Variants in USP6NL observed in about 807,000 individuals in gnomAD.
The protein encoded by USP6NL is USP6 N-terminal-like protein.
USP6NL carries 26 observed loss-of-function variants against 61.9 expected under a neutral mutation model. The ratio of observed to expected loss-of-function variants is 0.42; its 90% confidence interval spans 0.31 to 0.58. The LOEUF (loss-of-function observed/expected upper bound fraction) is 0.58, where lower values mean the gene tolerates loss of function less well. Among genes scored for constraint, USP6NL ranks in the 20% least tolerant of loss-of-function variants. The pLI is 0.16. For missense variants in USP6NL, 1,114 were observed against 1,034.3 expected (o/e 1.08, Z -1.06); for synonymous variants, 432 against 390.1 (o/e 1.11, Z -1.27).
chr10:11,545,515 C>A (rs929024780), intron 2 of USP6NL, among the ~76,000 whole-genome samples: 1 of 152,224 alleles, frequency 6.6e-6, no homozygotes, highest in South Asian at 2.1e-4. Flanking sequence ...TCCTTTACCA[C>A]CGCAGTCATC....
In USP6NL at chr10:11,537,191, G is replaced by GC. The variant is rs1835867218; in HGVS notation, c.5-9625dup. 6.6e-6 allele frequency among the ~76,000 whole-genome samples: 1 copy of GC among 151,138 alleles called. No homozygotes were observed. Among genetic ancestry groups the GC allele is most frequent in the Admixed American group, 6.6e-5 (1 of 15,220 alleles). On this transcript the variant is annotated intron_variant, in intron 2 of 14. Coordinates refer to ENST00000609104, the MANE Select transcript of USP6NL (RefSeq NM_014688.5). The surrounding 1 kb of genome is among the most constrained non-coding windows in gnomAD (Gnocchi z 5.1). ...AGTGGCACGATCACAGTTCACTGCA[G>GC]CGTCAATCTCCCAGGTGATCCTCCC...
chr10:11,522,313 T>A (rs7913326), intron 4 of USP6NL, among the ~76,000 whole-genome samples: 1 of 152,132 alleles, frequency 6.6e-6, no homozygotes, highest in Non-Finnish European at 1.5e-5. Context: ...CATTGCAGAA[T>A]GAATCAAAAA....
intron 2 of USP6NL, among the ~76,000 whole-genome samples, chr10:11,573,081 A>T (rs1205081905): frequency 6.6e-6 from 1 of 152,132 alleles, no homozygotes; most frequent in Non-Finnish European, 1.5e-5. Flanking sequence ...TATAATCATA[A>T]ACAGAATTAT....
chr10:11,462,890 A>C lies in USP6NL; in HGVS notation c.2038T>G (p.Ser680Ala). Residue 680 changes from serine to alanine, a missense_variant, in exon 15 of 15, where the codon TCT (serine) becomes GCT (alanine). Coordinates refer to ENST00000609104, the MANE Select transcript of USP6NL (RefSeq NM_014688.5). The part of the protein sequence containing the change: ...PHGSTLSVSA[S>A]PEKSYSRPSP... ...GGGCGGCTGTAAGATTTCTCCGGAG[A>C]AGCACTGACGGAAAGAGTAGAACCA... The C allele has an allele frequency of 9.9e-6, 16 of 1,613,648 alleles. No homozygotes were observed. Among genetic ancestry groups the C allele is most frequent in the Non-Finnish European group, 1.4e-5 (16 of 1,179,772 alleles).
Position 11,501,860 on chromosome 10 carries a change from T to G in USP6NL, c.277-652A>C, listed in dbSNP as rs1834211061. 2.0e-5 allele frequency among the ~76,000 whole-genome samples: 3 copies of G among 152,184 alleles called. No homozygotes were observed. In the South Asian group the frequency reaches 6.2e-4, roughly 32 times the overall value. ...TTCTTGCTATTTCTTCAGGAAAACT[T>G]TTTTCTTTTTCTTAAATGACATTGA... is the stretch of plus-strand genomic sequence containing the variant. On this transcript the variant is annotated intron_variant, in intron 6 of 14. Transcript: ENST00000609104.
chr10:11,494,624 A>G (rs1329073976), intron 7 of USP6NL, among the ~76,000 whole-genome samples: 21 of 152,150 alleles, frequency 1.4e-4, no homozygotes, highest in Non-Finnish European at 1.6e-4. Context: ...ATACAAAGCA[A>G]AAGGGGCAGG....
intron 2 of USP6NL, among the ~76,000 whole-genome samples, chr10:11,541,651 A>G (rs1047031451): frequency 2.6e-5 from 4 of 152,116 alleles, no homozygotes; most frequent in Non-Finnish European, 5.9e-5. Context: ...AGAAAGCCGT[A>G]AGTGTTTTTC....
chr10:11,527,039 T>C (rs1835449148), intron 3 of USP6NL, among the ~76,000 whole-genome samples: 1 of 152,172 alleles, frequency 6.6e-6, no homozygotes, highest in Admixed American at 6.5e-5. Context: ...GTCCTAGGCA[T>C]TTAGGATACA....
intron 2 of USP6NL, among the ~76,000 whole-genome samples, chr10:11,547,571 A>G (rs1045332162): frequency 1.1e-4 from 15 of 141,836 alleles, no homozygotes; most frequent in East Asian, 6.2e-4. Context: ...AGACAGTCTC[A>G]CTCTGTCGCC....
rs1375941754 is a variant in USP6NL, at chr10:11,489,178, G to A, written c.588C>T (p.Leu196=). ...CQGMSQITAL[L]LMYMNEEDAF... is the part of the protein sequence containing the mutation. ...CATCTTCCTCGTTCATATACATGAGGAGTAAAGCTGTGATCTGGCTCATCC... is the reference window on the plus strand; with the variant it reads ...CATCTTCCTCGTTCATATACATGAGAAGTAAAGCTGTGATCTGGCTCATCC... The change falls in exon 10 of 15, where the codon CTC becomes CTT. Residue 196 remains leucine (L), a synonymous_variant. Transcript: ENST00000609104. The surrounding 1 kb of genome is among the most constrained non-coding windows in gnomAD (Gnocchi z 5.7). 2.5e-6 allele frequency: 4 copies of A among 1,613,848 alleles called. No individual in the cohort carries two copies. Among genetic ancestry groups the A allele is most frequent in the African/African-American group, 1.3e-5 (1 of 74,930 alleles).
chr10:11,507,317 T>C lies in USP6NL; in HGVS notation c.276+2278A>G, dbSNP rs143646020. 2.7e-3 allele frequency among the ~76,000 whole-genome samples: 415 copies of C among 152,318 alleles called. 2 individuals are homozygous for C. Among genetic ancestry groups the C allele is most frequent in the African/African-American group, 9.5e-3 (395 of 41,570 alleles). On this transcript the variant is annotated intron_variant, in intron 6 of 14. Coordinates refer to ENST00000609104, the MANE Select transcript of USP6NL (RefSeq NM_014688.5). ...GCAATCTTTCCACAAAGATGTAAAG[T>C]AGTTGTCAAATGTAGGCCAATCTGA...
chr10:11,608,892 A>G (rs1173964366), intron 1 of USP6NL, among the ~76,000 whole-genome samples: 1 of 152,142 alleles, frequency 6.6e-6, no homozygotes, highest in East Asian at 1.9e-4. Context: ...TCCAATTCCC[A>G]TGCTTAAATC....
chr10:11,602,633 G>C lies in USP6NL; in HGVS notation c.-83-4916C>G, dbSNP rs1400954646. Among the ~76,000 whole-genome samples the C allele has an allele frequency of 1.3e-5, 2 of 152,158 alleles. No homozygotes were observed. Among genetic ancestry groups the C allele is most frequent in the African/African-American group, 4.8e-5 (2 of 41,428 alleles). ...TGTCAGGGCAGACTCCCAGGTGCTG[G>C]TTGAGTATGCCAAATCTAAACTTTC... On this transcript the variant is annotated intron_variant, in intron 1 of 14. Coordinates refer to ENST00000609104, the MANE Select transcript of USP6NL (RefSeq NM_014688.5). This position sits in a 1 kb window ranked among gnomAD's most constrained non-coding sequence, Gnocchi z 4.8.
rs140926938 is a variant in USP6NL, at chr10:11,531,740, T to C, written c.5-4173A>G. Among the ~76,000 whole-genome samples, 657 of 152,044 alleles carry C rather than the reference T, an allele frequency of 4.3e-3. 7 individuals carry two copies. Among genetic ancestry groups the C allele is most frequent in the East Asian group, 0.022 (114 of 5,186 alleles). On this transcript the variant is annotated intron_variant, in intron 2 of 14. Transcript: ENST00000609104. ...TATTTTTATGATTTTTTTTATCTAA[T>C]GTAACAAAGTTTCAAAGTAAAAGAG...
chr10:11,560,076 GAAT>G (rs1289752549), intron 2 of USP6NL, among the ~76,000 whole-genome samples: 12 of 152,066 alleles, frequency 7.9e-5, no homozygotes, highest in Non-Finnish European at 1.3e-4. Context: ...TCTACACTGA[GAAT>G]AATAATTCCA....
chr10:11,468,357 C>T lies in USP6NL; in HGVS notation c.1079-4508G>A, dbSNP rs1301721291. ...CAGGGTCTCTTAGTCACAGCTTGGC[C>T]GCACTTGGCTTCAAGTTCCTCCTAT... On this transcript the variant is annotated intron_variant, in intron 14 of 14. Coordinates refer to ENST00000609104, the MANE Select transcript of USP6NL (RefSeq NM_014688.5). This position sits in a 1 kb window ranked among gnomAD's most constrained non-coding sequence, Gnocchi z 4.5. Among the ~76,000 whole-genome samples, 1 of 152,160 alleles carries T rather than the reference C, an allele frequency of 6.6e-6. No individual in the cohort carries two copies. The highest frequency in any genetic ancestry group is 1.5e-5 in the Non-Finnish European group (1 of 68,040).
chr10:11,481,387 ACTGTACTTACTATTG>A lies in USP6NL; in HGVS notation c.1078+368_1078+382del, dbSNP rs1022673995. Among the ~76,000 whole-genome samples the A allele has an allele frequency of 5.3e-5, 8 of 152,138 alleles. No individual in the cohort carries two copies. Among genetic ancestry groups the A allele is most frequent in the African/African-American group, 1.9e-4 (8 of 41,430 alleles). ...TCCTCATCTATAAGATGGGGCTTTT[ACTGTACTTACTATTG>A]CTGTACTTACTATTGTATACGGTTT... On this transcript the variant is annotated intron_variant, in intron 14 of 14. Coordinates refer to ENST00000609104, the MANE Select transcript of USP6NL (RefSeq NM_014688.5). The surrounding 1 kb of genome is among the most constrained non-coding windows in gnomAD (Gnocchi z 4.4).
chr10:11,543,373 C>T (rs1219073452), intron 2 of USP6NL, among the ~76,000 whole-genome samples: 2 of 151,968 alleles, frequency 1.3e-5, no homozygotes, highest in African/African-American at 2.4e-5. Flanking sequence ...AACCCCGTCT[C>T]TACTAAAAAA....
At chr10:11,586,012 C>A (rs552572224) in intron 2 of USP6NL, among the ~76,000 whole-genome samples, 4 of 152,056 alleles carry the variant, frequency 2.6e-5, no homozygotes, top group Admixed American at 6.6e-5. Context: ...TAAGGTTGCA[C>A]AACAATATTA....
Sources: allele counts gnomAD v4.1 joint callset (sites outside exome capture counted in the v4.1 genomes callset), GRCh38; gene constraint gnomAD v4.1.1; non-coding constraint Gnocchi (gnomAD v3.1); transcripts MANE v1.5; gene names NCBI Gene and HGNC (gene_info 2026-07-23, HGNC 2026-07-21).